Variants in HMCN2 observed in about 807,000 individuals in gnomAD.
The protein encoded by HMCN2 is hemicentin-2.
A neutral mutation model predicts 377.5 loss-of-function variants in HMCN2; 325 were observed. That is an observed-to-expected ratio of 0.86 (90% CI 0.79 to 0.94). The LOEUF is 0.94. HMCN2 is among the 40% of genes least tolerant of loss of function. The pLI is 0.00. For missense variants in HMCN2, 4,543 were observed against 4,725.3 expected (o/e 0.96, Z 1.13); for synonymous variants, 2,007 against 2,046.8 (o/e 0.98, Z 0.53).
At chr9:130,403,543 C>A (rs535555168) in intron 79 of HMCN2, among the ~76,000 whole-genome samples, 198 bp from the exon 80 acceptor site, 1 of 152,206 alleles carries the variant, frequency 6.6e-6, no homozygotes, top group Non-Finnish European at 1.5e-5. Context: ...TCCGAGCACT[C>A]GGTGGCTGAG....
rs1842341953 is a variant in HMCN2 at position 130,391,976 on chromosome 9, C to T, written c.9994C>T (p.Leu3332=). 1 of 988,206 alleles carries T rather than the reference C, an allele frequency of 1.0e-6. No individual in the cohort carries two copies. Among genetic ancestry groups the T allele is most frequent in the Non-Finnish European group, 1.2e-6 (1 of 830,346 alleles). The allele number at this position is 988,206 out of a possible 1,614,324, so 61.2% of individuals were successfully genotyped here. The change falls in exon 66 of 98, where the codon CTG becomes TTG. Residue 3332 remains leucine (L), a synonymous_variant. Transcript: ENST00000683500. The part of the protein sequence containing the change: ...IKQGADGSGT[L]VSRPGELVTM... ...GCAGGGAGCAGACGGCTCGGGGACC[C>T]TGGTGAGCAGGCCTGGGGAGCTGGT...
At chr9:130,357,256 G>A (rs1289655075) in intron 34 of HMCN2, among the ~76,000 whole-genome samples, 2 of 150,010 alleles carry the variant, frequency 1.3e-5, no homozygotes, top group East Asian at 2.0e-4. Flanking sequence ...ATGGAAGGGT[G>A]GGTAGATGGA....
chr9:130,388,468 C>T lies in HMCN2; in HGVS notation c.9451C>T (p.Leu3151=), dbSNP rs1842130290. ...AGTGAGCCAGGTGGCTGGGAGCCCC[C>T]TGGTCCTGACCTGTGATGTGTCCGG... ...ETVSQVAGSP[L]VLTCDVSGVP... The change falls in exon 62 of 98, where the codon CTG becomes TTG. Residue 3151 remains leucine, a synonymous_variant. Coordinates refer to ENST00000683500, the MANE Select transcript of HMCN2 (RefSeq NM_001291815.2). 13 of 987,942 alleles carry T rather than the reference C, an allele frequency of 1.3e-5. No homozygotes were observed. Among genetic ancestry groups the T allele is most frequent in the African/African-American group, 3.5e-5 (2 of 57,304 alleles). 61.2% of individuals were successfully genotyped at this position (987,942 alleles called of 1,614,324 possible).
At chr9:130,364,511 G>A (rs1374426776) in intron 40 of HMCN2, among the ~76,000 whole-genome samples, 2 of 152,212 alleles carry the variant, frequency 1.3e-5, no homozygotes, top group South Asian at 2.1e-4. Context: ...AATTTCCCTC[G>A]GTGGAAACAT....
chr9:130,391,456 C>T lies in HMCN2; in HGVS notation c.9834C>T (p.Tyr3278=). 1.0e-6 allele frequency: 1 copy of T among 987,940 alleles called. No individual in the cohort carries two copies. Among genetic ancestry groups the T allele is most frequent in the Non-Finnish European group, 1.2e-6 (1 of 830,218 alleles). 61.2% of individuals were successfully genotyped at this position (987,940 alleles called of 1,614,324 possible). The part of the protein sequence containing the change: ...GQDMGPHLRF[Y]LDGGSLVLKG... ...CCCTCCTTCCCTGTGGCAGGTTCTA[C>T]CTGGACGGCGGCTCCCTGGTGCTAA... The change falls in exon 65 of 98, where the codon TAC becomes TAT. Residue 3278 remains tyrosine, a synonymous_variant. Coordinates refer to ENST00000683500, the MANE Select transcript of HMCN2 (RefSeq NM_001291815.2).
Position 130,411,698 on chromosome 9 carries a change from G to A in HMCN2, c.12961+1046G>A, listed in dbSNP as rs1195931960. 4.6e-5 allele frequency among the ~76,000 whole-genome samples: 7 copies of A among 151,460 alleles called. No homozygotes were observed. In the East Asian group the frequency reaches 1.4e-3, roughly 29 times the overall value. ...GAGGTCATTATGCGAAGTGGAAAAA[G>A]CCGGTCACAAAGAAACAAACACTGT... On this transcript the variant is annotated intron_variant, in intron 85 of 97. Coordinates refer to ENST00000683500, the MANE Select transcript of HMCN2 (RefSeq NM_001291815.2).
At chr9:130,319,394 AG>A (rs1837729688) in intron 15 of HMCN2, 100 bp from the exon 16 acceptor site, 1 of 152,318 alleles carries the variant, frequency 6.6e-6, no homozygotes, top group Non-Finnish European at 1.5e-5. Flanking sequence ...TAGGTTCACA[AG>A]GGCAATAGTA....
intron 22 of HMCN2, among the ~76,000 whole-genome samples, chr9:130,330,962 T>A (rs994984644): frequency 4.0e-4 from 38 of 93,854 alleles, no homozygotes; most frequent in African/African-American, 1.4e-3. Flanking sequence ...ACCCTGTCTC[T>A]ACTGAAACAC....
At chr9:130,410,698 G>C in intron 85 of HMCN2, 46 bp downstream of exon 85, 1 of 1,518,292 alleles carries the variant, frequency 6.6e-7, no homozygotes. Context: ...AGTGTGCTCG[G>C]GGACAGCGGT....
Position 130,382,263 on chromosome 9 carries a change from C to T in HMCN2, c.8511C>T (p.Gly2837=), listed in dbSNP as rs1242450828. The T allele has an allele frequency of 1.0e-5, 10 of 985,676 alleles. No homozygotes were observed. In the Admixed American group the frequency reaches 3.1e-4, roughly 30 times the overall value. The allele number at this position is 985,676 out of a possible 1,614,324, so 61.1% of individuals were successfully genotyped here. Residue 2837 remains glycine, a synonymous_variant, in exon 55 of 98, where the codon GGC becomes GGT. Transcript: ENST00000683500. ...CGTGCAAGGCCTCCAACGAGGTGGG[C>T]GAGGACTGGCTGCACTACGAGCTGC... is the stretch of plus-strand genomic sequence containing the variant. The part of the protein sequence containing the change: ...RYSCKASNEV[G]EDWLHYELLV...
chr9:130,407,766 T>G (rs140037002), intron 83 of HMCN2, 61 bp downstream of exon 83: 1 of 1,136,890 alleles, frequency 8.8e-7, no homozygotes, highest in Non-Finnish European at 1.1e-6. Context: ...GGACCCAATC[T>G]ATTGGTTTCC....
intron 4 of HMCN2, among the ~76,000 whole-genome samples, chr9:130,289,667 C>T (rs537450655): frequency 7.2e-5 from 11 of 152,156 alleles, no homozygotes; most frequent in South Asian, 6.2e-4. Flanking sequence ...TGCCATCCCA[C>T]CCCCCCGTGC....
intron 79 of HMCN2, 85 bp downstream of exon 79, chr9:130,403,413 A>C: frequency 8.1e-7 from 1 of 1,240,514 alleles, no homozygotes; most frequent in Non-Finnish European, 1.0e-6. Flanking sequence ...CTGCCCTGGG[A>C]GACCCCGCAG....
chr9:130,375,980 G>A lies in HMCN2; in HGVS notation c.7909G>A (p.Glu2637Lys). 1.0e-6 allele frequency: 1 copy of A among 985,706 alleles called. No individual in the cohort carries two copies. The highest frequency in any genetic ancestry group is 1.2e-6 in the Non-Finnish European group (1 of 829,824). The allele number at this position is 985,706 out of a possible 1,614,324, so 61.1% of individuals were successfully genotyped here. The change falls in exon 51 of 98, where the codon GAA becomes AAA. Residue 2637 changes from glutamate (E) to lysine (K), a missense_variant. By Grantham distance (56) the Glu-to-Lys change is moderately conservative (BLOSUM62 1). This residue lies in a region of HMCN2 where 736 missense variants were observed against 773.2 expected (regional missense o/e 0.95). Transcript: ENST00000683500. ...GGAGGCCGTGAAAAACTACCATGTG[G>A]AAGTGCTCAGTGAGTCGGGGACCCT... is the stretch of plus-strand genomic sequence containing the variant. ...LGEAVKNYHV[E>K]VLIPPSISKD... is the part of the protein sequence containing the mutation.
rs1334451945 is a variant in HMCN2 at position 130,425,866 on chromosome 9, G to A, written c.13821G>A (p.Ser4607=). ...VQHLRASAIS[S]AFDPEAEALR... Reference sequence around the variant, plus strand: ...ACCTGCGGGCCTCAGCTATCAGCTCGGCCTTTGATCCAGAGGCCGAGGCCC... The same window carrying A: ...ACCTGCGGGCCTCAGCTATCAGCTCAGCCTTTGATCCAGAGGCCGAGGCCC... Residue 4607 remains serine (S), a synonymous_variant, in exon 90 of 98, where the codon TCG becomes TCA. Coordinates refer to ENST00000683500, the MANE Select transcript of HMCN2 (RefSeq NM_001291815.2). 24 of 1,550,224 alleles carry A rather than the reference G, an allele frequency of 1.5e-5. No individual in the cohort carries two copies. The highest frequency in any genetic ancestry group is 1.9e-5 in the Non-Finnish European group (22 of 1,146,966).
intron 60 of HMCN2, among the ~76,000 whole-genome samples, chr9:130,386,148 G>C (rs115503950): frequency 2.0e-5 from 3 of 152,072 alleles, no homozygotes; most frequent in African/African-American, 7.2e-5. Flanking sequence ...TGTCCCCCTC[G>C]AAATCCATTC....
chr9:130,390,917 TCA>T, intron 62 of HMCN2, 58 bp from the exon 63 acceptor site: 2 of 980,142 alleles, frequency 2.0e-6, no homozygotes, highest in Non-Finnish European at 2.4e-6. Flanking sequence ...TCTGTGGGGC[TCA>T]GTTTCCTATG....
chr9:130,268,862 C>T (rs906543475), intron 1 of HMCN2, among the ~76,000 whole-genome samples: 2 of 148,482 alleles, frequency 1.3e-5, no homozygotes, highest in African/African-American at 2.4e-5. Context: ...AGTGCAGGGC[C>T]GATTGATGCC....
intron 4 of HMCN2, among the ~76,000 whole-genome samples, chr9:130,287,882 G>A (rs949317014): frequency 5.3e-5 from 8 of 152,226 alleles, no homozygotes; most frequent in Non-Finnish European, 7.3e-5. Context: ...GCCTCTGGGA[G>A]AGGGTTTTGT....
Sources: allele counts gnomAD v4.1 joint callset (sites outside exome capture counted in the v4.1 genomes callset), GRCh38; gene constraint gnomAD v4.1.1; regional missense constraint gnomAD v4.1.1; transcripts MANE v1.5; gene names NCBI Gene and HGNC (gene_info 2026-07-23, HGNC 2026-07-21).